NRK: variants seen among roughly 807,000 people sequenced by gnomAD.
The protein encoded by NRK is nik-related protein kinase.
In NRK, 67 loss-of-function variants were observed where a neutral mutation model predicts 125.2. That is an observed-to-expected ratio of 0.54 (90% CI 0.44 to 0.66). The LOEUF is 0.66. NRK is among the 30% of genes least tolerant of loss of function. NRK has a pLI of 0.00. For synonymous variants in NRK, 458 were observed against 429.0 expected (o/e 1.07, Z -0.84); for missense variants, 1,224 against 1,192.9 (o/e 1.03, Z -0.38).
chrX:105,950,226 T>A (rs1001643966), intron 27 of NRK, among the ~76,000 whole-genome samples: 1 of 111,311 alleles, frequency 9.0e-6, no homozygotes, highest in Non-Finnish European at 1.9e-5. Context: ...GTGACAGATA[T>A]GACTGACTGG....
At chrX:105,954,212 A>T (rs1165723524) in intron 28 of NRK, among the ~76,000 whole-genome samples, 2 of 111,413 alleles carry the variant, frequency 1.8e-5, no homozygotes, top group Non-Finnish European at 3.8e-5. Flanking sequence ...CATATCTTTT[A>T]AAAAAATTAC....
chrX:105,865,230 T>G (rs2039654086), intron 2 of NRK, among the ~76,000 whole-genome samples: 1 of 110,143 alleles, frequency 9.1e-6, no homozygotes, highest in African/African-American at 3.3e-5. Flanking sequence ...AGTGGGGGAG[T>G]AAGTAGTGGA....
At chrX:105,871,829 A>C (rs752518491) in intron 2 of NRK, among the ~76,000 whole-genome samples, 1 of 111,769 alleles carries the variant, frequency 8.9e-6, no homozygotes, top group South Asian at 3.7e-4. Flanking sequence ...TTCTCCATAG[A>C]GGTTTAAAAG....
intron 9 of NRK, among the ~76,000 whole-genome samples, chrX:105,903,699 A>C (rs2040187096): frequency 9.0e-6 from 1 of 111,588 alleles, no homozygotes; most frequent in Non-Finnish European, 1.9e-5. Context: ...CCTATGCTCC[A>C]TTCCTTTGTG....
At position 105,838,163 on chromosome X, in the gene NRK, T is replaced by G. The variant is rs757711378; in HGVS notation, c.123+7044T>G. On this transcript the variant is annotated intron_variant, in intron 2 of 28. Transcript: ENST00000243300. ...TAATTATAGTGATCCTATTGTCGCT[T>G]CTCCACCTTACACAGTAGAAGTTGA... 3.6e-5 allele frequency among the ~76,000 whole-genome samples: 4 copies of G among 111,907 alleles called. No homozygotes were observed. The East Asian group carries it at 1.1e-3, about 32-fold the overall frequency.
intron 9 of NRK, among the ~76,000 whole-genome samples, chrX:105,903,028 C>T (rs1417803795): frequency 9.0e-6 from 1 of 111,077 alleles, no homozygotes; most frequent in Non-Finnish European, 1.9e-5. Flanking sequence ...GACCTTTATA[C>T]CAAGGCCAGA....
At chrX:105,952,354 C>T (rs1325823263) in intron 27 of NRK, among the ~76,000 whole-genome samples, 1 of 111,770 alleles carries the variant, frequency 8.9e-6, no homozygotes, top group Non-Finnish European at 1.9e-5. Context: ...TACCTTGCAG[C>T]ACCAGCTGAC....
intron 2 of NRK, among the ~76,000 whole-genome samples, chrX:105,855,896 T>A (rs2147671971): frequency 9.0e-6 from 1 of 111,422 alleles, no homozygotes; most frequent in East Asian, 2.8e-4. Context: ...ATAGTTATAG[T>A]TTTCCTGTAA....
At chrX:105,931,549 G>C (rs758044965) in intron 19 of NRK, among the ~76,000 whole-genome samples, 1 of 111,026 alleles carries the variant, frequency 9.0e-6, no homozygotes, top group Admixed American at 9.6e-5. Context: ...TCCCAATAAG[G>C]AGAATTTATT....
intron 2 of NRK, among the ~76,000 whole-genome samples, chrX:105,845,010 G>C (rs1232385394): frequency 2.7e-5 from 3 of 111,356 alleles, no homozygotes; most frequent in Non-Finnish European, 5.6e-5. Flanking sequence ...GCACTTGGTA[G>C]AAAACTACAA....
At chrX:105,912,204 T>C (rs1276518041) in intron 13 of NRK, among the ~76,000 whole-genome samples, 1 of 111,328 alleles carries the variant, frequency 9.0e-6, no homozygotes, top group Non-Finnish European at 1.9e-5. Flanking sequence ...GGGAGAAATA[T>C]TTGCACCACT....
intron 7 of NRK, among the ~76,000 whole-genome samples, chrX:105,896,762 G>A (rs1000211098): frequency 3.0e-4 from 33 of 111,584 alleles, no homozygotes; most frequent in Middle Eastern, 4.6e-3. Context: ...AGGATCACTT[G>A]AGCCTAGGAT....
chrX:105,919,219 T>G (rs1377120742), intron 16 of NRK, among the ~76,000 whole-genome samples: 2 of 110,355 alleles, frequency 1.8e-5, no homozygotes, highest in African/African-American at 6.6e-5. Flanking sequence ...CACAAAAACA[T>G]TAAACAGGGA....
At chrX:105,849,036 C>G (rs1294953004) in intron 2 of NRK, among the ~76,000 whole-genome samples, 1 of 111,686 alleles carries the variant, frequency 9.0e-6, no homozygotes, top group African/African-American at 3.3e-5. Context: ...CTGTATTGTG[C>G]CTTATGCGGC....
intron 2 of NRK, among the ~76,000 whole-genome samples, chrX:105,860,678 CTT>C (rs1805530021): frequency 9.1e-6 from 1 of 110,408 alleles, no homozygotes; most frequent in African/African-American, 3.3e-5. Context: ...ACTACTTTCT[CTT>C]AACATATATT....
At chrX:105,940,272 G>A (rs921063588) in intron 23 of NRK, among the ~76,000 whole-genome samples, 3 of 109,575 alleles carry the variant, frequency 2.7e-5, no homozygotes, top group African/African-American at 1.0e-4. Context: ...TTTTTTTTGA[G>A]AAAACATTGA....
In NRK at chrX:105,895,509, C is replaced by A; in HGVS notation, c.566C>A (p.Ala189Asp). ...KGQNVLLTHN[A>D]EVKLVDFGVS... ...CAGAATGTGCTGCTGACTCATAATG[C>A]TGAAGTAAAACTGGGTAAGTTTATT... The change falls in exon 7 of 29, where the codon GCT (alanine) becomes GAT (aspartate). Residue 189 changes from alanine to aspartate, a missense_variant. Transcript: ENST00000243300. 1 of 1,181,010 alleles carries A rather than the reference C, an allele frequency of 8.5e-7. No homozygotes were observed. Among genetic ancestry groups the A allele is most frequent in the Non-Finnish European group, 1.2e-6 (1 of 868,005 alleles).
chrX:105,905,021 G>A (rs1281726943), intron 9 of NRK, among the ~76,000 whole-genome samples: 1 of 112,006 alleles, frequency 8.9e-6, no homozygotes, highest in East Asian at 2.8e-4. Flanking sequence ...CAAATATTTT[G>A]TCTAGTTTAT....
At chrX:105,870,316 A>G (rs1255032460) in intron 2 of NRK, among the ~76,000 whole-genome samples, 2 of 111,478 alleles carry the variant, frequency 1.8e-5, no homozygotes, top group Admixed American at 9.6e-5. Context: ...TGTGGGCCCT[A>G]GTCTCATGGA....
Sources: gnomAD v4.1 joint callset for allele counts (sites outside exome capture counted in the v4.1 genomes callset) on GRCh38, gnomAD v4.1.1 for gene constraint, MANE v1.5 for transcripts, NCBI Gene and HGNC (gene_info 2026-07-23, HGNC 2026-07-21) for gene names.